Variants in EYA3 observed in about 807,000 individuals in gnomAD.
EYA3 encodes EYA transcriptional coactivator and phosphatase 3, also known as protein phosphatase EYA3.
Under a neutral mutation model 80.0 loss-of-function variants are expected in EYA3, and 39 were observed. The observed-to-expected ratio is 0.49, with a 90% CI of 0.38 to 0.64. The LOEUF is 0.64. EYA3 is among the 30% of genes least tolerant of loss of function. EYA3 has a pLI of 0.00. For synonymous variants in EYA3, 206 were observed against 232.8 expected, an observed-to-expected ratio of 0.88 and a Z score of 1.05; for missense variants, 523 against 676.1, an observed-to-expected ratio of 0.77 and a Z score of 2.51.
intron 1 of EYA3, among the ~76,000 whole-genome samples, chr1:28,074,881 G>A (rs1645149472): frequency 1.3e-5 from 2 of 152,040 alleles, no homozygotes; most frequent in Admixed American, 1.3e-4. Context: ...ACTGTTTATT[G>A]TTGTTTCTTT....
chr1:28,019,253 G>C (rs1470633601), intron 7 of EYA3, among the ~76,000 whole-genome samples: 1 of 152,154 alleles, frequency 6.6e-6, no homozygotes, highest in African/African-American at 2.4e-5. Context: ...AGCACGTTTT[G>C]CTTCAGGGGA....
chr1:27,993,964 A>T (rs1640246765), intron 13 of EYA3, among the ~76,000 whole-genome samples: 1 of 152,228 alleles, frequency 6.6e-6, no homozygotes, highest in African/African-American at 2.4e-5. Flanking sequence ...ATGAAAGGAA[A>T]TAGGCTAAAA....
chr1:28,037,199 G>C (rs994568316), intron 5 of EYA3, among the ~76,000 whole-genome samples: 1 of 152,100 alleles, frequency 6.6e-6, no homozygotes, highest in African/African-American at 2.4e-5. Context: ...TTTGTAAAAT[G>C]GTTTAGAAAG....
At chr1:28,073,120 TATATATA>T (rs1316761786) in intron 1 of EYA3, among the ~76,000 whole-genome samples, 3 of 54,056 alleles carry the variant, frequency 5.5e-5, no homozygotes, top group African/African-American at 9.4e-5. Context: ...TATATATATA[TATATATA>T]TTTTTTTTTT....
chr1:28,027,954 A>G lies in EYA3; in HGVS notation c.362-28T>C, dbSNP rs531610659. 240 of 1,613,810 alleles carry G rather than the reference A, an allele frequency of 1.5e-4. 2 individuals carry two copies. Among genetic ancestry groups the G allele is most frequent in the Non-Finnish European group, 9.5e-5 (112 of 1,179,820 alleles). On this transcript the variant is annotated intron_variant, in intron 6 of 17. Coordinates refer to ENST00000373871, the MANE Select transcript of EYA3 (RefSeq NM_001990.4). ...GAATCAGATAAATTGGACCAATTAC[A>G]AACAATACACTGGGACTGAGGAGCA... is the stretch of plus-strand genomic sequence containing the variant.
At chr1:28,035,810 C>T in intron 5 of EYA3, 130 bp from the exon 6 acceptor site, 1 of 872,104 alleles carries the variant, frequency 1.1e-6, no homozygotes, top group Non-Finnish European at 1.8e-6. Flanking sequence ...TAAAATGGCT[C>T]TTTTCAAAAA....
At chr1:28,050,522 G>A (rs973476945) in intron 2 of EYA3, among the ~76,000 whole-genome samples, 5 of 151,960 alleles carry the variant, frequency 3.3e-5, no homozygotes, top group Non-Finnish European at 7.4e-5. Context: ...TTACTTTCAA[G>A]GAAGAATTAT....
Position 28,013,267 on chromosome 1 carries a change from G to T in EYA3, c.613C>A (p.Gln205Lys). Residue 205 changes from glutamine (Q) to lysine (K), a missense_variant, in exon 9 of 18, where the codon CAG (glutamine) becomes AAG (lysine). Physicochemically the swap from Gln to Lys is moderately conservative, Grantham distance 53 (BLOSUM62 1). This residue lies in a region of EYA3 where 304 missense variants were observed against 343.3 expected (regional missense o/e 0.89). Coordinates refer to ENST00000373871, the MANE Select transcript of EYA3 (RefSeq NM_001990.4). This position sits in a 1 kb window ranked among gnomAD's most constrained non-coding sequence, Gnocchi z 4.0. ...GGGTAGCAGGCCTGGTACTGATTCT[G>T]ACCAAGAATAGTATAGGTGGGATAA... is the stretch of plus-strand genomic sequence containing the variant. ...QDYPTYTILG[Q>K]NQYQACYPSS... 1 of 1,613,812 alleles carries T rather than the reference G, an allele frequency of 6.2e-7. No homozygotes were observed. Among genetic ancestry groups the T allele is most frequent in the South Asian group, 1.1e-5 (1 of 91,026 alleles).
At chr1:28,008,805 G>A (rs563738381) in intron 10 of EYA3, among the ~76,000 whole-genome samples, 31 of 152,176 alleles carry the variant, frequency 2.0e-4, no homozygotes, top group Non-Finnish European at 3.5e-4. Flanking sequence ...TTAACCAGGC[G>A]TGGTGGCATG....
At chr1:28,011,183 T>C in intron 9 of EYA3, 97 bp from the exon 10 acceptor site, 2 of 1,312,128 alleles carry the variant, frequency 1.5e-6, no homozygotes, top group Non-Finnish European at 1.0e-6. Context: ...TTGTGAGTCA[T>C]AATGCAGGGA....
intron 11 of EYA3, among the ~76,000 whole-genome samples, chr1:28,001,530 T>C (rs1012832055): frequency 1.4e-5 from 2 of 144,330 alleles, no homozygotes; most frequent in Non-Finnish European, 3.0e-5. Context: ...AGGTGGATCA[T>C]GAGGTCAGGG....
chr1:28,050,749 T>G (rs542250667), intron 2 of EYA3, among the ~76,000 whole-genome samples: 6 of 152,202 alleles, frequency 3.9e-5, no homozygotes, highest in South Asian at 2.1e-4. Context: ...TATGCCCCCC[T>G]CTAAGGCAGG....
intron 5 of EYA3, among the ~76,000 whole-genome samples, chr1:28,037,810 A>G (rs1409157979): frequency 4.6e-5 from 7 of 152,202 alleles, no homozygotes; most frequent in Non-Finnish European, 1.0e-4. Context: ...GGGAAAAGAA[A>G]GACAGTTTCC....
chr1:28,080,460 A>G (rs1248696968), intron 1 of EYA3, among the ~76,000 whole-genome samples: 1 of 152,146 alleles, frequency 6.6e-6, no homozygotes, highest in African/African-American at 2.4e-5. Context: ...TCCTGTCTCA[A>G]AAAACAAACA....
At chr1:28,087,903 C>G (rs1460042380) in intron 1 of EYA3, among the ~76,000 whole-genome samples, 1 of 152,220 alleles carries the variant, frequency 6.6e-6, no homozygotes, top group Non-Finnish European at 1.5e-5. Context: ...TTCAGTCTAA[C>G]CCGGCGCCTT....
intron 3 of EYA3, among the ~76,000 whole-genome samples, chr1:28,045,197 A>G (rs1335839024): frequency 1.3e-5 from 2 of 152,230 alleles, no homozygotes; most frequent in Non-Finnish European, 2.9e-5. Context: ...ATAGAACTTA[A>G]TGTACTAAGA....
intron 5 of EYA3, 89 bp downstream of exon 5, chr1:28,038,750 T>C: frequency 3.0e-6 from 2 of 671,678 alleles, no homozygotes; most frequent in Non-Finnish European, 2.4e-6. Flanking sequence ...AATTTAAATA[T>C]CTATTATTTT....
intron 10 of EYA3, among the ~76,000 whole-genome samples, chr1:28,005,937 T>TAAAC (rs1641237188): frequency 6.6e-6 from 1 of 151,570 alleles, no homozygotes; most frequent in Admixed American, 6.6e-5. Flanking sequence ...AAACCTCGTC[T>TAAAC]CTACTAAAAA....
intron 1 of EYA3, among the ~76,000 whole-genome samples, chr1:28,070,724 A>G (rs1489376576): frequency 6.6e-6 from 1 of 152,192 alleles, no homozygotes; most frequent in Admixed American, 6.5e-5. Context: ...ACATAATTCC[A>G]AAGTTAGCAT....
Sources: gnomAD v4.1 joint callset for allele counts (sites outside exome capture counted in the v4.1 genomes callset) on GRCh38, gnomAD v4.1.1 for gene constraint, gnomAD v4.1.1 regional missense constraint, Gnocchi (gnomAD v3.1) non-coding constraint, MANE v1.5 for transcripts, NCBI Gene and HGNC (gene_info 2026-07-23, HGNC 2026-07-21) for gene names.